FGF14: variants seen among roughly 807,000 people sequenced by gnomAD.
FGF14 encodes fibroblast growth factor homologous factor 4.
In FGF14, 5 loss-of-function variants were observed where a neutral mutation model predicts 25.5. The observed-to-expected ratio is 0.20, with a 90% CI of 0.10 to 0.41. The LOEUF is 0.41. FGF14 is among the 10% of genes least tolerant of loss of function. The pLI is 1.00. For synonymous variants in FGF14, 138 were observed against 118.3 expected (o/e 1.17, Z -1.08); for missense variants, 222 against 320.1 (o/e 0.69, Z 2.34).
chr13:102,137,387 C>T (rs560195510), intron 1 of FGF14, among the ~76,000 whole-genome samples: 4 of 152,250 alleles, frequency 2.6e-5, no homozygotes, highest in South Asian at 2.1e-4. Flanking sequence ...AAAAGTATCT[C>T]GAAACTACAC....
chr13:102,145,358 A>G (rs2046812842), intron 1 of FGF14, among the ~76,000 whole-genome samples: 1 of 152,184 alleles, frequency 6.6e-6, no homozygotes, highest in Admixed American at 6.6e-5. Flanking sequence ...GGATCTGCTA[A>G]AGCTGTCTTG....
chr13:101,901,631 G>C (rs2031563978), intron 1 of FGF14, among the ~76,000 whole-genome samples: 1 of 152,120 alleles, frequency 6.6e-6, no homozygotes, highest in Admixed American at 6.6e-5. Context: ...TTGAACCCCA[G>C]AAGTGGAGGT....
chr13:101,752,960 C>T lies in FGF14; in HGVS notation c.409-26150G>A, dbSNP rs528737189. ...ACACCTAGACTAATCACTGGATAAGCGAAGTGGGGCTGCTATGACAGATAT... is the reference window on the plus strand; with the variant it reads ...ACACCTAGACTAATCACTGGATAAGTGAAGTGGGGCTGCTATGACAGATAT... On this transcript the variant is annotated intron_variant, in intron 3 of 4. Coordinates refer to ENST00000376143, the MANE Select transcript of FGF14 (RefSeq NM_004115.4). Among the ~76,000 whole-genome samples the T allele has an allele frequency of 1.1e-4, 17 of 152,116 alleles. No homozygotes were observed. In the South Asian group the frequency reaches 2.7e-3, roughly 24 times the overall value.
At position 102,375,275 on chromosome 13, in the gene FGF14, CA is replaced by C. The variant is rs147868304; in HGVS notation, c.208+26195del. ...TCTTCACTACTAGGCAGGATCGATCCAGGGGCAGGTGCTCAGCTAGAGCCAA... is the reference window on the plus strand; with the variant it reads ...TCTTCACTACTAGGCAGGATCGATCCGGGGCAGGTGCTCAGCTAGAGCCAA... On this transcript the variant is annotated intron_variant, in intron 1 of 4. Transcript: ENST00000376131. 8.1e-3 allele frequency among the ~76,000 whole-genome samples: 1,231 copies of C among 152,182 alleles called. 23 individuals are homozygous for C. Among genetic ancestry groups the C allele is most frequent in the East Asian group, 0.049 (256 of 5,176 alleles).
rs1396534673 is a variant in FGF14 at position 101,728,396 on chromosome 13, T to C, written c.409-1586A>G. ...TAAGATCCCATCCAAATAAATGTTCTGGCTTTCTACTGAGTTCTGCATCTC... is the reference window on the plus strand; with the variant it reads ...TAAGATCCCATCCAAATAAATGTTCCGGCTTTCTACTGAGTTCTGCATCTC... On this transcript the variant is annotated intron_variant, in intron 3 of 4. Coordinates refer to ENST00000376143, the MANE Select transcript of FGF14 (RefSeq NM_004115.4). 3.3e-5 allele frequency among the ~76,000 whole-genome samples: 5 copies of C among 152,162 alleles called. No homozygotes were observed. The South Asian group carries it at 6.2e-4, about 19-fold the overall frequency.
intron 1 of FGF14, among the ~76,000 whole-genome samples, chr13:102,178,788 A>G (rs1349294081): frequency 6.6e-6 from 1 of 152,096 alleles, no homozygotes; most frequent in African/African-American, 2.4e-5. Flanking sequence ...ACATCTCACA[A>G]AAGTTGTGAG....
chr13:101,787,369 C>T (rs994817041), intron 3 of FGF14, among the ~76,000 whole-genome samples: 21 of 152,064 alleles, frequency 1.4e-4, no homozygotes, highest in South Asian at 6.2e-4. Context: ...ATGGATGAAC[C>T]GCTGTTTTAT....
At chr13:101,729,397 G>A (rs909409368) in intron 3 of FGF14, among the ~76,000 whole-genome samples, 2 of 152,080 alleles carry the variant, frequency 1.3e-5, no homozygotes, top group South Asian at 2.1e-4. Context: ...TGGAAGTTGA[G>A]GTTAGTTGCT....
chr13:102,056,730 A>C (rs1595129244), intron 1 of FGF14, among the ~76,000 whole-genome samples: 1 of 151,248 alleles, frequency 6.6e-6, no homozygotes, highest in African/African-American at 2.4e-5. Flanking sequence ...GTGATTCAAC[A>C]ATGAATACCA....
chr13:102,329,198 TTA>T (rs1392080042), intron 1 of FGF14, among the ~76,000 whole-genome samples: 4 of 152,130 alleles, frequency 2.6e-5, no homozygotes, highest in Admixed American at 6.6e-5. Flanking sequence ...AAGCTCATGG[TTA>T]TTAGTACAAC....
chr13:102,089,971 T>C lies in FGF14; in HGVS notation c.209-214675A>G, dbSNP rs9518620. On this transcript the variant is annotated intron_variant, in intron 1 of 4. Transcript: ENST00000376131. Reference sequence around the variant, plus strand: ...GGCCTTGTCTTTGTTATTCTTGTGTTGTGAAATTCCATTTGCCATATCTGA... The same window carrying C: ...GGCCTTGTCTTTGTTATTCTTGTGTCGTGAAATTCCATTTGCCATATCTGA... 8.9e-3 allele frequency among the ~76,000 whole-genome samples: 1,361 copies of C among 152,332 alleles called. 17 individuals are homozygous for C. The highest frequency in any genetic ancestry group is 0.016 in the Non-Finnish European group (1,067 of 68,016).
At chr13:102,332,620 T>C (rs1375375425) in intron 1 of FGF14, among the ~76,000 whole-genome samples, 5 of 152,064 alleles carry the variant, frequency 3.3e-5, no homozygotes, top group Admixed American at 3.3e-4. Context: ...TCAACTTCTG[T>C]GCATCATGTC....
chr13:101,964,722 TAAAGA>T (rs1365284124), intron 1 of FGF14, among the ~76,000 whole-genome samples: 1 of 152,030 alleles, frequency 6.6e-6, no homozygotes, highest in African/African-American at 2.4e-5. Flanking sequence ...TTCTAGCAAT[TAAAGA>T]ATAGTATTTC....
intron 1 of FGF14, among the ~76,000 whole-genome samples, chr13:102,117,720 G>A (rs778850010): frequency 3.3e-5 from 5 of 152,214 alleles, no homozygotes; most frequent in South Asian, 2.1e-4. Flanking sequence ...AGGATAAGTC[G>A]TTTTAAAAGA....
intron 1 of FGF14, among the ~76,000 whole-genome samples, chr13:102,123,275 A>G (rs117520712): frequency 4.6e-4 from 70 of 152,322 alleles, no homozygotes; most frequent in Non-Finnish European, 9.0e-4. Flanking sequence ...ACTGAGAAGA[A>G]GCTACATTTT....
chr13:102,164,880 T>C (rs924206657), intron 1 of FGF14, among the ~76,000 whole-genome samples: 5 of 152,204 alleles, frequency 3.3e-5, no homozygotes, highest in Non-Finnish European at 7.3e-5. Flanking sequence ...GGATATTTTC[T>C]TTTACTTAAA....
At chr13:102,280,000 T>C (rs1318344777) in intron 1 of FGF14, among the ~76,000 whole-genome samples, 2 of 152,316 alleles carry the variant, frequency 1.3e-5, no homozygotes, top group East Asian at 3.9e-4. Flanking sequence ...TAAAGTTATA[T>C]TCTGTGTATG....
chr13:102,090,438 C>T (rs74703976), intron 1 of FGF14, among the ~76,000 whole-genome samples: 5,451 of 150,818 alleles, frequency 0.036, 326 homozygotes, highest in East Asian at 0.2. Flanking sequence ...TGCAGTCAAT[C>T]GCCATATCTA....
chr13:101,738,920 T>C (rs150878965), intron 3 of FGF14, among the ~76,000 whole-genome samples: 59 of 133,408 alleles, frequency 4.4e-4, no homozygotes, highest in African/African-American at 1.5e-3. Flanking sequence ...TTGGTATATA[T>C]ATATATGTAT....
Sources: gnomAD v4.1 joint callset for allele counts (sites outside exome capture counted in the v4.1 genomes callset) on GRCh38, gnomAD v4.1.1 for gene constraint, MANE v1.5 for transcripts, NCBI Gene and HGNC (gene_info 2026-07-23, HGNC 2026-07-21) for gene names.